The following CYRIB variants were observed in gnomAD, a reference collection of about 807,000 sequenced individuals.
CYRIB encodes the protein CYFIP-related Rac1 interactor B.
CYRIB carries 8 observed loss-of-function variants against 44.2 expected under a neutral mutation model. The ratio of observed to expected loss-of-function variants is 0.18; its 90% CI spans 0.11 to 0.33. CYRIB has a LOEUF of 0.33. Ranked by LOEUF, CYRIB falls within the 10% of genes least tolerant of loss-of-function variation. The pLI is 1.00. For synonymous variants in CYRIB, 131 were observed against 127.2 expected (o/e 1.03, Z -0.20); for missense variants, 185 against 382.8 (o/e 0.48, Z 4.31).
At chr8:129,902,177 A>G (rs975251207) in intron 2 of CYRIB, among the ~76,000 whole-genome samples, 1 of 152,142 alleles carries the variant, frequency 6.6e-6, no homozygotes, top group Non-Finnish European at 1.5e-5. Context: ...TAACTGTTGT[A>G]CCAGCTCTAA....
At chr8:129,895,759 G>A (rs1010277661) in intron 2 of CYRIB, among the ~76,000 whole-genome samples, 1 of 152,018 alleles carries the variant, frequency 6.6e-6, no homozygotes, top group Non-Finnish European at 1.5e-5. Flanking sequence ...TTTGAAACAC[G>A]GTCTTGCTCT....
chr8:129,994,187 GAGA>G (rs2096713800), intron 1 of CYRIB, among the ~76,000 whole-genome samples: 1 of 152,166 alleles, frequency 6.6e-6, no homozygotes, highest in Non-Finnish European at 1.5e-5. Context: ...CACACACAGG[GAGA>G]AGGCCACGTG....
rs532013770 is a variant in CYRIB at position 129,887,723 on chromosome 8, AAGG to A, written c.-10-8255_-10-8253del. ...GGCCTGGATATGAGACACGGAGTCA[AAGG>A]AGATTATTTTGGAGCTTTAAGATTG... is the stretch of plus-strand genomic sequence containing the variant. On this transcript the variant is annotated intron_variant, in intron 2 of 11. Transcript: ENST00000519824. Among the ~76,000 whole-genome samples the A allele has an allele frequency of 2.3e-3, 353 of 152,344 alleles. 5 individuals are homozygous for A. The highest frequency in any genetic ancestry group is 8.0e-3 in the African/African-American group (334 of 41,580).
chr8:129,912,685 G>A (rs958027145), intron 1 of CYRIB, among the ~76,000 whole-genome samples: 1 of 151,712 alleles, frequency 6.6e-6, no homozygotes, highest in African/African-American at 2.4e-5. Flanking sequence ...TTAGAGACAG[G>A]GTCTTATTAG....
chr8:130,006,605 T>TATATATATATATATATAC (rs374570395), intron 1 of CYRIB, among the ~76,000 whole-genome samples: 2 of 23,318 alleles, frequency 8.6e-5, no homozygotes, highest in African/African-American at 5.4e-4. Flanking sequence ...TATATATATA[T>TATATATATATATATATAC]ACATATATAT....
At chr8:129,961,499 T>C (rs1564440361) in intron 2 of CYRIB, among the ~76,000 whole-genome samples, 1 of 152,214 alleles carries the variant, frequency 6.6e-6, no homozygotes, top group Non-Finnish European at 1.5e-5. Context: ...GGTTGCCTCC[T>C]TACAGAGGGG....
At chr8:129,987,276 T>G (rs530169484) in intron 1 of CYRIB, among the ~76,000 whole-genome samples, 1 of 152,304 alleles carries the variant, frequency 6.6e-6, no homozygotes, top group South Asian at 2.1e-4. Context: ...AAATGATCTT[T>G]TCTAGATTTA....
rs113933320 is a variant in CYRIB at position 129,859,597 on chromosome 8, C to T, written c.301+2632G>A. On this transcript the variant is annotated intron_variant, in intron 5 of 11. Transcript: ENST00000519824. Reference sequence around the variant, plus strand: ...CCCAGACGCTGGTGTCACCGCTAGACTAAGGAGGCCTCTGGTGGCCCTGCC... The same window carrying T: ...CCCAGACGCTGGTGTCACCGCTAGATTAAGGAGGCCTCTGGTGGCCCTGCC... 2.3e-3 allele frequency among the ~76,000 whole-genome samples: 357 copies of T among 152,336 alleles called. 2 individuals are homozygous for T. The highest frequency in any genetic ancestry group is 7.9e-3 in the African/African-American group (329 of 41,574).
At chr8:130,002,196 C>A (rs145670284) in intron 1 of CYRIB, among the ~76,000 whole-genome samples, 3 of 152,184 alleles carry the variant, frequency 2.0e-5, no homozygotes, top group South Asian at 2.1e-4. Context: ...CTCAGTGGCT[C>A]ACATCTGTAA....
At chr8:130,006,028 C>A (rs535460376) in intron 1 of CYRIB, among the ~76,000 whole-genome samples, 2 of 152,034 alleles carry the variant, frequency 1.3e-5, no homozygotes, top group African/African-American at 4.8e-5. Flanking sequence ...CCAGGCTGGG[C>A]GCGGTAGCTC....
chr8:129,901,156 A>G (rs749171944), intron 2 of CYRIB, among the ~76,000 whole-genome samples: 25 of 152,128 alleles, frequency 1.6e-4, no homozygotes, highest in Non-Finnish European at 2.1e-4. Flanking sequence ...GGTTTCTGTT[A>G]TTATGGACCA....
intron 1 of CYRIB, among the ~76,000 whole-genome samples, chr8:129,911,396 T>C (rs1194496762): frequency 6.6e-6 from 1 of 152,134 alleles, no homozygotes; most frequent in Non-Finnish European, 1.5e-5. Flanking sequence ...CAGGAAACAA[T>C]CTTGTTCAAT....
At chr8:129,840,561 TAGA>T (rs764196251) in exon 12 of CYRIB, 10 of 152,168 alleles carry the variant, frequency 6.6e-5, no homozygotes, top group Non-Finnish European at 1.5e-4. Flanking sequence ...AGAAGATGCC[TAGA>T]AGGATATGGC....
chr8:129,970,480 C>T (rs1402548745), intron 2 of CYRIB: 2 of 148,416 alleles, frequency 1.3e-5, no homozygotes, highest in Non-Finnish European at 1.5e-5. Flanking sequence ...AGTGCAGCGG[C>T]GCAATCTCAG....
chr8:129,953,177 G>A (rs923851304), intron 2 of CYRIB, among the ~76,000 whole-genome samples: 1 of 152,138 alleles, frequency 6.6e-6, no homozygotes, highest in Non-Finnish European at 1.5e-5. Context: ...ACAAAGCAAC[G>A]CACAACTGCC....
chr8:129,864,834 C>A, intron 4 of CYRIB: 1 of 438,250 alleles, frequency 2.3e-6, no homozygotes, highest in Non-Finnish European at 4.5e-6. Flanking sequence ...ATTCCACGTA[C>A]ACATTTTTGA....
chr8:129,902,572 A>G (rs2072814418), intron 2 of CYRIB, among the ~76,000 whole-genome samples: 4 of 152,072 alleles, frequency 2.6e-5, no homozygotes, highest in Admixed American at 2.6e-4. Context: ...GTTAAAGTGC[A>G]GTGATGCAAT....
At chr8:129,888,316 C>G (rs1164335850) in intron 2 of CYRIB, among the ~76,000 whole-genome samples, 1 of 152,194 alleles carries the variant, frequency 6.6e-6, no homozygotes, top group Non-Finnish European at 1.5e-5. Context: ...CCCAGCCATG[C>G]TTCCTGTACA....
intron 1 of CYRIB, among the ~76,000 whole-genome samples, chr8:129,977,688 C>T (rs978103102): frequency 5.9e-5 from 9 of 152,096 alleles, no homozygotes; most frequent in South Asian, 2.1e-4. Context: ...CCCGCCACCA[C>T]GCCCGGCTAA....
Sources: gnomAD v4.1 joint callset for allele counts (sites outside exome capture counted in the v4.1 genomes callset) on GRCh38, gnomAD v4.1.1 for gene constraint, MANE v1.5 for transcripts, NCBI Gene and HGNC (gene_info 2026-07-23, HGNC 2026-07-21) for gene names.